REPS2: variants seen among roughly 807,000 people sequenced by gnomAD.
REPS2 encodes ralBP1-associated Eps domain-containing protein 2.
A neutral mutation model predicts 53.6 loss-of-function variants in REPS2; 23 were observed. The observed-to-expected ratio is 0.43, with a 90% CI of 0.31 to 0.61. The LOEUF is 0.61. Ranked by LOEUF, REPS2 falls within the 20% of genes least tolerant of loss-of-function variation. The pLI, the probability that REPS2 is intolerant of heterozygous loss-of-function variation, is 0.11. For synonymous variants in REPS2, 238 were observed against 218.6 expected (o/e 1.09, Z -0.78); for missense variants, 446 against 534.9 (o/e 0.83, Z 1.64).
chrX:17,164,607 A>C, the REPS2 span, among the ~76,000 whole-genome samples: 1 of 112,123 alleles, frequency 8.9e-6, no homozygotes, highest in Admixed American at 9.5e-5. Context: ...AAGCTGTCAA[A>C]ATTGAAGCAA....
In REPS2 at chrX:17,006,278, A is replaced by C. The variant is rs747345708; in HGVS notation, c.331A>C (p.Ile111Leu). 3 of 1,209,707 alleles carry C rather than the reference A, an allele frequency of 2.5e-6. No homozygotes were observed. In the South Asian group the frequency reaches 5.3e-5, roughly 21 times the overall value. The change falls in exon 2 of 18, where the codon ATT (isoleucine) becomes CTT (leucine). Residue 111 changes from isoleucine (I) to leucine (L), a missense_variant. Transcript: ENST00000357277. ...TTATTTTGGTCCAACACAGTTTTAC[A>C]TTGCCCTGAAATTAATTGCTGCAGC... The part of the protein sequence containing the change: ...VGYFGPTQFY[I>L]ALKLIAAAQS...
intron 3 of REPS2, among the ~76,000 whole-genome samples, chrX:17,022,999 G>C (rs2061594513): frequency 2.7e-5 from 3 of 112,257 alleles, no homozygotes; most frequent in Admixed American, 9.5e-5. Context: ...TCCAGAAGAA[G>C]TAAATAGTCT....
At chrX:17,161,304 G>T in the REPS2 span, among the ~76,000 whole-genome samples, 1 of 111,628 alleles carries the variant, frequency 9.0e-6, no homozygotes, top group African/African-American at 3.3e-5. Context: ...CTAATCAGTT[G>T]ACCTTAAAAT....
intron 14 of REPS2, among the ~76,000 whole-genome samples, chrX:17,128,069 G>A (rs1372498543): frequency 9.0e-6 from 1 of 111,697 alleles, no homozygotes; most frequent in African/African-American, 3.3e-5. Context: ...CAACAAGGAG[G>A]AGCATACTAG....
At chrX:16,980,403 A>G (rs1222264375) in intron 1 of REPS2, among the ~76,000 whole-genome samples, 1 of 111,176 alleles carries the variant, frequency 9.0e-6, no homozygotes, top group Non-Finnish European at 1.9e-5. Flanking sequence ...CCCAGGTTCA[A>G]GCGATTCTCC....
intron 13 of REPS2, among the ~76,000 whole-genome samples, chrX:17,078,620 A>T (rs1196011219): frequency 8.9e-6 from 1 of 112,028 alleles, no homozygotes; most frequent in Non-Finnish European, 1.9e-5. Flanking sequence ...GCGGATTATG[A>T]CCTGGAAGAT....
At chrX:17,162,747 A>G in the REPS2 span, among the ~76,000 whole-genome samples, 1 of 112,612 alleles carries the variant, frequency 8.9e-6, no homozygotes, top group Non-Finnish European at 1.9e-5. Flanking sequence ...GGTTCAAGGC[A>G]TTTAAGGAAA....
At chrX:16,994,463 G>A (rs1471306010) in intron 1 of REPS2, among the ~76,000 whole-genome samples, 4 of 109,559 alleles carry the variant, frequency 3.7e-5, no homozygotes, top group Non-Finnish European at 3.8e-5. Context: ...TTTATAATAC[G>A]CCATGGAATA....
At position 17,022,436 on chromosome X, in the gene REPS2, G is replaced by C. The variant is rs919245188; in HGVS notation, c.546+165G>C. On this transcript the variant is annotated intron_variant, in intron 3 of 17. Transcript: ENST00000357277. ...TTTCTCCTAGCAAGAAAGAGAGACC[G>C]ACACATATGAATCACCACCACCCAC... 4.0e-5 allele frequency: 16 copies of C among 402,802 alleles called. No homozygotes were observed. The Admixed American group carries it at 5.3e-4, about 13-fold the overall frequency. 33.2% of individuals were successfully genotyped at this position (402,802 alleles called of 1,213,427 possible). A position where few individuals can be genotyped will look rare whatever the true frequency, so the allele number is the denominator to read the frequency against.
chrX:17,174,663 C>G, the REPS2 span, among the ~76,000 whole-genome samples: 1 of 112,647 alleles, frequency 8.9e-6, no homozygotes, highest in Non-Finnish European at 1.9e-5. Context: ...TCAACTCAGT[C>G]TGCTAAGTTA....
At chrX:17,133,574 T>C (rs982223424) in intron 14 of REPS2, among the ~76,000 whole-genome samples, 10 of 111,870 alleles carry the variant, frequency 8.9e-5, no homozygotes, top group Non-Finnish European at 1.3e-4. Context: ...GCAATACATA[T>C]GTTCAATTAC....
the REPS2 span, among the ~76,000 whole-genome samples, chrX:17,167,805 A>T: frequency 9.1e-6 from 1 of 109,544 alleles, no homozygotes; most frequent in East Asian, 2.9e-4. Flanking sequence ...ATAGGATTTT[A>T]AAAACTTCTA....
intron 14 of REPS2, among the ~76,000 whole-genome samples, chrX:17,119,833 A>G (rs1462256451): frequency 2.3e-5 from 2 of 87,266 alleles, no homozygotes; most frequent in Non-Finnish European, 4.4e-5. Context: ...TGGAATCCTC[A>G]TTTCTCTTCT....
intron 5 of REPS2, among the ~76,000 whole-genome samples, chrX:17,030,667 TA>T (rs2061698529): frequency 8.9e-6 from 1 of 112,473 alleles, no homozygotes; most frequent in Non-Finnish European, 1.9e-5. Context: ...AGCCATAGGC[TA>T]TTTTTTATAT....
At chrX:17,157,122 C>T (rs1357576684), downstream of REPS2, among the ~76,000 whole-genome samples, 4 of 111,705 alleles carry the variant, frequency 3.6e-5, no homozygotes, top group Non-Finnish European at 5.6e-5. Context: ...ATATCCAGAA[C>T]CACCACATTG....
At chrX:17,120,482 A>G (rs973451710) in intron 14 of REPS2, among the ~76,000 whole-genome samples, 4 of 111,952 alleles carry the variant, frequency 3.6e-5, no homozygotes, top group Non-Finnish European at 5.6e-5. Flanking sequence ...AAATGAGTGA[A>G]GATCTCTAAA....
At chrX:17,104,017 T>C (rs2062841126) in intron 14 of REPS2, among the ~76,000 whole-genome samples, 1 of 111,595 alleles carries the variant, frequency 9.0e-6, no homozygotes, top group Admixed American at 9.5e-5. Context: ...TAGTTCACTC[T>C]TGGCTGTCCA....
chrX:17,155,412 C>G (rs1032954363), downstream of REPS2, among the ~76,000 whole-genome samples: 1 of 111,706 alleles, frequency 9.0e-6, no homozygotes, highest in Non-Finnish European at 1.9e-5. Context: ...CCCCACCCCT[C>G]AACACTGCCA....
Position 17,025,169 on chromosome X carries a change from A to G in REPS2, c.657A>G (p.Ala219=), listed in dbSNP as rs373117433. ...SHGYSKLRSS[A]EQMHPAPYEA... is the part of the protein sequence containing the mutation. ...GCTACAGCAAACTGCGGAGCAGCGC[A>G]GAACAGATGCATCCAGGTAAGAGGC... The change falls in exon 4 of 18, where the codon GCA becomes GCG. Residue 219 remains alanine, a synonymous_variant. Coordinates refer to ENST00000357277, the MANE Select transcript of REPS2 (RefSeq NM_004726.3). 52 of 1,209,517 alleles carry G rather than the reference A, an allele frequency of 4.3e-5. No homozygotes were observed. The African/African-American group carries it at 7.5e-4, about 17-fold the overall frequency.
Sources: gnomAD v4.1 joint callset for allele counts (sites outside exome capture counted in the v4.1 genomes callset) on GRCh38, gnomAD v4.1.1 for gene constraint, MANE v1.5 for transcripts, NCBI Gene and HGNC (gene_info 2026-07-23, HGNC 2026-07-21) for gene names.